The following THSD7B variants were observed in gnomAD, a reference collection of about 807,000 sequenced individuals.
The protein encoded by THSD7B is thrombospondin type 1 domain containing 7B, also known as thrombospondin type-1 domain-containing protein 7B.
Under a neutral mutation model 213.6 loss-of-function variants are expected in THSD7B, and 138 were observed. That is an observed-to-expected ratio of 0.65 (90% CI 0.56 to 0.74). The LOEUF (loss-of-function observed/expected upper bound fraction) is 0.74. THSD7B is among the 30% of genes least tolerant of loss of function. THSD7B has a pLI of 0.00. For synonymous variants in THSD7B, 742 were observed against 687.0 expected (o/e 1.08, Z -1.25); for missense variants, 1,931 against 1,991.5 (o/e 0.97, Z 0.58).
intron 12 of THSD7B, among the ~76,000 whole-genome samples, chr2:137,291,349 G>T (rs1377125666): frequency 1.3e-5 from 2 of 151,890 alleles, no homozygotes; most frequent in Non-Finnish European, 2.9e-5. Context: ...TTTTCTTATT[G>T]GATTTTTCAG....
intron 2 of THSD7B, among the ~76,000 whole-genome samples, chr2:137,016,799 A>T: frequency 6.6e-6 from 1 of 152,236 alleles, no homozygotes; most frequent in East Asian, 1.9e-4. Context: ...CTGGTGTTTC[A>T]TATCAACCTC....
chr2:137,026,028 G>A (rs1268319901), intron 2 of THSD7B, among the ~76,000 whole-genome samples: 1 of 152,158 alleles, frequency 6.6e-6, no homozygotes. Flanking sequence ...GCAATGCTCA[G>A]TTCTTTCCAT....
At chr2:137,435,649 G>A (rs952111319) in intron 14 of THSD7B, among the ~76,000 whole-genome samples, 1 of 152,118 alleles carries the variant, frequency 6.6e-6, no homozygotes, top group African/African-American at 2.4e-5. Context: ...TCTCTGTGGA[G>A]TGCCTAATCA....
chr2:137,187,053 G>GT (rs1228980450), intron 7 of THSD7B, among the ~76,000 whole-genome samples: 1 of 152,074 alleles, frequency 6.6e-6, no homozygotes, highest in Non-Finnish European at 1.5e-5. Flanking sequence ...GAAAATCCAA[G>GT]TGGCTTATGT....
chr2:136,808,055 A>C (rs1682315453), intron 1 of THSD7B, among the ~76,000 whole-genome samples: 1 of 152,094 alleles, frequency 6.6e-6, no homozygotes, highest in African/African-American at 2.4e-5. Flanking sequence ...CTGATCTGTT[A>C]CCTTGTGTTT....
intron 12 of THSD7B, among the ~76,000 whole-genome samples, chr2:137,328,913 A>G (rs920356067): frequency 1.3e-5 from 2 of 152,210 alleles, no homozygotes; most frequent in African/African-American, 4.8e-5. Flanking sequence ...CTCCCCAGCC[A>G]TGCTGAACTG....
intron 4 of THSD7B, among the ~76,000 whole-genome samples, chr2:137,106,980 T>C (rs1558923164): frequency 1.3e-5 from 2 of 152,240 alleles, no homozygotes; most frequent in Admixed American, 1.3e-4. Context: ...GAAGTCAGTG[T>C]GGTGATTCCT....
chr2:137,331,581 G>A (rs1262329413), intron 12 of THSD7B, among the ~76,000 whole-genome samples: 1 of 152,228 alleles, frequency 6.6e-6, no homozygotes, highest in Non-Finnish European at 1.5e-5. Flanking sequence ...AGGTGGAGCT[G>A]CCTGCCAGTC....
intron 20 of THSD7B, among the ~76,000 whole-genome samples, chr2:137,640,357 T>C (rs1267304393): frequency 6.6e-6 from 1 of 152,150 alleles, no homozygotes; most frequent in South Asian, 2.1e-4. Flanking sequence ...ACTGTAAGTC[T>C]AATTAAACTT....
At chr2:137,289,687 A>G (rs1399826110) in intron 12 of THSD7B, among the ~76,000 whole-genome samples, 2 of 152,138 alleles carry the variant, frequency 1.3e-5, no homozygotes, top group South Asian at 2.1e-4. Flanking sequence ...CAGATATTGA[A>G]TAGATGGCTT....
chr2:137,197,397 T>C (rs1401212060), intron 7 of THSD7B, among the ~76,000 whole-genome samples: 1 of 152,176 alleles, frequency 6.6e-6, no homozygotes, highest in Non-Finnish European at 1.5e-5. Flanking sequence ...TTTTGTTTTA[T>C]TCTTGTGACT....
intron 12 of THSD7B, among the ~76,000 whole-genome samples, chr2:137,400,534 T>C (rs1324685109): frequency 6.6e-6 from 1 of 152,190 alleles, no homozygotes; most frequent in African/African-American, 2.4e-5. Context: ...AATGCAGTTG[T>C]AGTAGTGGTA....
At chr2:137,443,333 T>G (rs1211176879) in intron 14 of THSD7B, among the ~76,000 whole-genome samples, 1 of 152,134 alleles carries the variant, frequency 6.6e-6, no homozygotes, top group Non-Finnish European at 1.5e-5. Context: ...GTGAACCAAG[T>G]CAAGCCATTA....
chr2:137,402,678 G>T (rs1686397664), intron 12 of THSD7B, among the ~76,000 whole-genome samples: 1 of 151,656 alleles, frequency 6.6e-6, no homozygotes, highest in South Asian at 2.1e-4. Context: ...AATTAGCCAG[G>T]CATGGTAGAC....
intron 2 of THSD7B, among the ~76,000 whole-genome samples, chr2:136,971,993 A>C (rs1685412691): frequency 6.6e-6 from 1 of 152,160 alleles, no homozygotes. Context: ...AAGTCCAGAC[A>C]CAGAAAGCAA....
chr2:137,316,530 C>G (rs1244244238), intron 12 of THSD7B, among the ~76,000 whole-genome samples: 1 of 152,068 alleles, frequency 6.6e-6, no homozygotes, highest in African/African-American at 2.4e-5. Context: ...AATCCCAGCA[C>G]TTTGGGAGGT....
chr2:137,279,526 GAATAAGACCCTGGCTCAAAC>G (rs1352727182), intron 12 of THSD7B, among the ~76,000 whole-genome samples: 1 of 152,116 alleles, frequency 6.6e-6, no homozygotes, highest in East Asian at 1.9e-4. Context: ...CTGGGTGACA[GAATAAGACCCTGGCTCAAAC>G]AATAATAATA....
intron 1 of THSD7B, among the ~76,000 whole-genome samples, chr2:136,776,276 A>G (rs1681602046): frequency 6.6e-6 from 1 of 152,204 alleles, no homozygotes; most frequent in Admixed American, 6.5e-5. Flanking sequence ...CTGGTCTTAA[A>G]TGCAAAGTAT....
chr2:137,006,310 G>T (rs1331349358), intron 2 of THSD7B, among the ~76,000 whole-genome samples: 1 of 152,158 alleles, frequency 6.6e-6, no homozygotes, highest in African/African-American at 2.4e-5. Context: ...CAGGAGAATG[G>T]CATGAACCCG....
Sources: gnomAD v4.1 joint callset for allele counts (sites outside exome capture counted in the v4.1 genomes callset) on GRCh38, gnomAD v4.1.1 for gene constraint, MANE v1.5 for transcripts, NCBI Gene and HGNC (gene_info 2026-07-23, HGNC 2026-07-21) for gene names.